Variants in TGOLN2 observed in about 807,000 individuals in gnomAD.
TGOLN2 encodes the protein trans-golgi network protein 2, also known as trans-Golgi network integral membrane protein 2.
A neutral mutation model predicts 31.3 loss-of-function variants in TGOLN2; 19 were observed. That is an observed-to-expected ratio of 0.61 (90% confidence interval 0.42 to 0.89). The LOEUF (loss-of-function observed/expected upper bound fraction) is 0.89, where lower values mean the gene tolerates loss of function less well. Among genes scored for constraint, TGOLN2 ranks in the 40% least tolerant of loss-of-function variants. The pLI is 0.00. For missense variants in TGOLN2, 540 were observed against 559.2 expected (o/e 0.97, Z 0.35); for synonymous variants, 222 against 226.7 (o/e 0.98, Z 0.19).
intron 3 of TGOLN2, among the ~76,000 whole-genome samples, chr2:85,323,490 C>A (rs1327564571): frequency 6.6e-6 from 1 of 152,010 alleles, no homozygotes; most frequent in African/African-American, 2.4e-5. Context: ...TGCTTGAACC[C>A]GGGTGGTGGA....
At chr2:85,327,765 C>T in intron 1 of TGOLN2, 80 bp from the exon 2 acceptor site, 1 of 1,344,706 alleles carries the variant, frequency 7.4e-7, no homozygotes, top group Non-Finnish European at 1.0e-6. Flanking sequence ...AGATCGGGAG[C>T]AGCGGGGGAA....
chr2:85,325,729 C>T (rs1440662742), intron 2 of TGOLN2, among the ~76,000 whole-genome samples: 2 of 152,300 alleles, frequency 1.3e-5, no homozygotes, highest in South Asian at 2.1e-4. Flanking sequence ...CCTCCTGCCT[C>T]GGCCTCCCAA....
rs766213213 is a variant in TGOLN2, at chr2:85,327,325, C to G, written c.407G>C (p.Ser136Thr). ...CGCCTCCGCACCCGATTTGCCAGTG[C>G]TGTCTTTTGGAGTCTGCAGCTCCGG... is the stretch of plus-strand genomic sequence containing the variant. ...SHPELQTPKD[S>T]TGKSGAEAQT... Residue 136 changes from serine (S) to threonine (T), a missense_variant, in exon 2 of 4, where the codon AGC becomes ACC. By Grantham distance (58) the Ser-to-Thr change is moderately conservative. Coordinates refer to ENST00000377386, the MANE Select transcript of TGOLN2 (RefSeq NM_006464.4). 6.2e-7 allele frequency: 1 copy of G among 1,610,672 alleles called. No homozygotes were observed. Among genetic ancestry groups the G allele is most frequent in the Non-Finnish European group, 8.5e-7 (1 of 1,177,906 alleles).
Position 85,322,721 on chromosome 2 carries a change from G to A in TGOLN2, c.*15C>T. 1 of 1,611,898 alleles carries A rather than the reference G, an allele frequency of 6.2e-7. No individual in the cohort carries two copies. The highest frequency in any genetic ancestry group is 8.5e-7 in the Non-Finnish European group (1 of 1,179,480). On this transcript the variant is annotated 3_prime_UTR_variant, in exon 4 of 4. Coordinates refer to ENST00000377386, the MANE Select transcript of TGOLN2 (RefSeq NM_006464.4). ...TGGTGACGTTCATCTTTTTCCAGAG[G>A]AATATACCATTCTGTTAGGACTTAG...
At position 85,326,691 on chromosome 2, in the gene TGOLN2, G is replaced by A. The variant is rs768338417; in HGVS notation, c.1041C>T (p.Ser347=). 1.2e-6 allele frequency: 2 copies of A among 1,613,906 alleles called. No individual in the cohort carries two copies. The highest frequency in any genetic ancestry group is 1.7e-6 in the Non-Finnish European group (2 of 1,179,910). ...CACGGTTCTCACTGGAGGCAGAACC[G>A]GACATCTTTTCTTTCTCTTCTTTGG... ...SPPKEEKEKM[S]GSASSENREG... is the part of the protein sequence containing the mutation. Residue 347 remains serine (S), a synonymous_variant, in exon 2 of 4, where the codon TCC becomes TCT. Transcript: ENST00000377386.
chr2:85,327,363 A>C lies in TGOLN2; in HGVS notation c.369T>G (p.Thr123=). The change falls in exon 2 of 4, where the codon ACT becomes ACG. Residue 123 remains threonine, a synonymous_variant. Coordinates refer to ENST00000377386, the MANE Select transcript of TGOLN2 (RefSeq NM_006464.4). ...GSEAQTTKDS[T]SKSHPELQTP... is the part of the protein sequence containing the mutation. ...TCTGCAGCTCCGGATGCGACTTACTAGTGCTGTCTTTTGTGGTCTGCGCCT... is the reference window on the plus strand; with the variant it reads ...TCTGCAGCTCCGGATGCGACTTACTCGTGCTGTCTTTTGTGGTCTGCGCCT... The C allele has an allele frequency of 6.2e-7, 1 of 1,610,954 alleles. No individual in the cohort carries two copies.
Position 85,327,039 on chromosome 2 carries a change from T to TG in TGOLN2, c.692dup (p.Ile232AsnfsTer19). 6.2e-7 allele frequency: 1 copy of TG among 1,613,706 alleles called. No individual in the cohort carries two copies. ...CACCCGACTTGCTGGGCCCGTCTAT[T>TG]GGGCCCTGCTCCTCTGCACCGGACT... On this transcript the variant is annotated frameshift_variant, in exon 2 of 4. Coordinates refer to ENST00000377386, the MANE Select transcript of TGOLN2 (RefSeq NM_006464.4). LOFTEE classifies it high-confidence loss of function.
At chr2:85,325,025 A>C (rs1682684087) in intron 2 of TGOLN2, 27 bp from the exon 3 acceptor site, 1 of 1,548,224 alleles carries the variant, frequency 6.5e-7, no homozygotes, top group African/African-American at 1.4e-5. Context: ...GAAAATGATT[A>C]ACAGGTGGCT....
At position 85,327,532 on chromosome 2, in the gene TGOLN2, G is replaced by T. The variant is rs776384170; in HGVS notation, c.200C>A (p.Pro67His). 6.2e-7 allele frequency: 1 copy of T among 1,614,038 alleles called. No individual in the cohort carries two copies. Among genetic ancestry groups the T allele is most frequent in the East Asian group, 2.2e-5 (1 of 44,872 alleles). The change falls in exon 2 of 4, where the codon CCT becomes CAT. Residue 67 changes from proline (P) to histidine (H), a missense_variant. Transcript: ENST00000377386. ...HPEPQTPKDS[P>H]SKSSAEAQTP... ...CTGCGCCTCCGCACTCGACTTGCTA[G>T]GGCTGTCTTTTGGAGTCTGCGGCTC...
chr2:85,327,790 T>TGGGGGGGGGG, intron 1 of TGOLN2, 105 bp from the exon 2 acceptor site: 3 of 345,642 alleles, frequency 8.7e-6, no homozygotes, highest in Non-Finnish European at 1.4e-5. Context: ...GATTGGGGGG[T>TGGGGGGGGGG]GGGGCGGGAG....
At chr2:85,326,381 A>T (rs1682728050) in intron 2 of TGOLN2, 127 bp downstream of exon 2, 1 of 880,930 alleles carries the variant, frequency 1.1e-6, no homozygotes, top group Non-Finnish European at 1.7e-6. Context: ...GGGCCTGAGG[A>T]AAAAACTGAA....
chr2:85,324,542 GC>G (rs1682662900), intron 3 of TGOLN2: 1 of 341,102 alleles, frequency 2.9e-6, no homozygotes, highest in Non-Finnish European at 5.3e-6. Context: ...TGGAGCGCTG[GC>G]AGAATGCAGA....
chr2:85,322,755 A>C lies in TGOLN2; in HGVS notation c.1309-14T>G. On this transcript the variant is annotated splice_polypyrimidine_tract_variant and intron_variant, in intron 3 of 3. Transcript: ENST00000377386. ...ATTCTGTTAGGACTTAGGGGAAAAA[A>C]GATCTTTTAGGAGGTGCAGGGAAAA... The C allele has an allele frequency of 6.2e-7, 1 of 1,610,710 alleles. No homozygotes were observed. The highest frequency in any genetic ancestry group is 2.2e-5 in the East Asian group (1 of 44,714).
intron 3 of TGOLN2, chr2:85,324,668 C>A: frequency 1.9e-6 from 1 of 533,698 alleles, no homozygotes; most frequent in Non-Finnish European, 3.3e-6. Context: ...GGGCCTATTT[C>A]CTCATCTGTG....
rs376069422 is a variant in TGOLN2, at chr2:85,324,953, G to A, written c.1270C>T (p.Arg424Trp). 129 of 1,554,722 alleles carry A rather than the reference G, an allele frequency of 8.3e-5. 1 individual carries two copies. The highest frequency in any genetic ancestry group is 1.4e-4 in the Admixed American group (7 of 51,320). The change falls in exon 3 of 4, where the codon CGG becomes TGG. Residue 424 changes from arginine (R) to tryptophan (W), a missense_variant. By Grantham distance (101) the Arg-to-Trp change is moderately radical. Transcript: ENST00000377386. ...LEGKRSKVTRRPKASDYQRLD... is the reference protein window; with the variant it reads ...LEGKRSKVTRWPKASDYQRLD... ...CGTTGGTAGTCACTGGCCTTTGGCC[G>A]CCGGGTGACTTTAGATCTTTTTCCT...
At position 85,324,898 on chromosome 2, in the gene TGOLN2, G is replaced by A; in HGVS notation, c.1308+17C>T. The A allele has an allele frequency of 6.4e-7, 1 of 1,552,334 alleles. No homozygotes were observed. The highest frequency in any genetic ancestry group is 8.7e-7 in the Non-Finnish European group (1 of 1,147,104). ...TCCCTCCTATCCCTCCCATGGACCT[G>A]GCTCCTCCTTCCTTACCTTCTGGTC... On this transcript the variant is annotated intron_variant, in intron 3 of 3. Coordinates refer to ENST00000377386, the MANE Select transcript of TGOLN2 (RefSeq NM_006464.4).
rs150874201 is a variant in TGOLN2 at position 85,322,677 on chromosome 2, C to T, written c.*59G>A. ...AAGGACAAAAAAATCAAAGCTGAAACGAGAGCAGCACAATCCATTGGTGAC... is the reference window on the plus strand; with the variant it reads ...AAGGACAAAAAAATCAAAGCTGAAATGAGAGCAGCACAATCCATTGGTGAC... On this transcript the variant is annotated 3_prime_UTR_variant, in exon 4 of 4. Coordinates refer to ENST00000377386, the MANE Select transcript of TGOLN2 (RefSeq NM_006464.4). 693 of 1,606,580 alleles carry T rather than the reference C, an allele frequency of 4.3e-4. 1 individual carries two copies. The highest frequency in any genetic ancestry group is 8.3e-4 in the Middle Eastern group (5 of 6,046).
intron 3 of TGOLN2, 22 bp from the exon 4 acceptor site, chr2:85,322,763 TAGG>T: frequency 1.2e-6 from 2 of 1,609,570 alleles, no homozygotes. Flanking sequence ...AAAGATCTTT[TAGG>T]AGGTGCAGGG....
At position 85,322,442 on chromosome 2, in the gene TGOLN2, G is replaced by A; in HGVS notation, c.*294C>T. ...ATATACCCCTCCACTCACCCTCAGA[G>A]GAGGAACGGATGGAAGCCACCAGCA... On this transcript the variant is annotated 3_prime_UTR_variant, in exon 4 of 4. Coordinates refer to ENST00000377386, the MANE Select transcript of TGOLN2 (RefSeq NM_006464.4). The A allele has an allele frequency of 1.9e-6, 1 of 518,454 alleles. No individual in the cohort carries two copies. Among genetic ancestry groups the A allele is most frequent in the South Asian group, 2.3e-5 (1 of 43,430 alleles). 32.1% of individuals were successfully genotyped at this position (518,454 alleles called of 1,614,324 possible).
Sources: gnomAD v4.1 joint callset for allele counts (sites outside exome capture counted in the v4.1 genomes callset) on GRCh38, gnomAD v4.1.1 for gene constraint, MANE v1.5 for transcripts, NCBI Gene and HGNC (gene_info 2026-07-23, HGNC 2026-07-21) for gene names.